Variants in AQR observed in about 807,000 individuals in gnomAD.
AQR encodes aquarius intron-binding spliceosomal factor.
Under a neutral mutation model 180.5 loss-of-function variants are expected in AQR, and 61 were observed. The ratio of observed to expected loss-of-function variants is 0.34; its 90% CI spans 0.28 to 0.42. AQR has a LOEUF of 0.42. Ranked by LOEUF, AQR falls within the 10% of genes least tolerant of loss-of-function variation. The pLI is 1.00. For missense variants in AQR, 1,281 were observed against 1,798.3 expected, an observed-to-expected ratio of 0.71 and a Z score of 5.20; for synonymous variants, 551 against 588.8, an observed-to-expected ratio of 0.94 and a Z score of 0.93.
At chr15:34,920,481 T>C (rs777703299) in intron 13 of AQR, 47 bp from the exon 14 acceptor site, 1 of 1,394,056 alleles carries the variant, frequency 7.2e-7, no homozygotes, top group Admixed American at 2.0e-5. Flanking sequence ...TTACTTCACT[T>C]CACTTTTGAA....
In AQR at chr15:34,904,023, T is replaced by C. The variant is rs141117936; in HGVS notation, c.2001+313A>G. 9.2e-5 allele frequency among the ~76,000 whole-genome samples: 14 copies of C among 152,148 alleles called. No homozygotes were observed. In the East Asian group the frequency reaches 2.7e-3, roughly 29 times the overall value. ...TAAGCAAGTTTTCTTCACTTCATAA[T>C]AGGGCATTAACTGAATACCTAATAT... On this transcript the variant is annotated intron_variant, in intron 19 of 34. Transcript: ENST00000156471.
chr15:34,938,983 A>G lies in AQR; in HGVS notation c.642-170T>C, dbSNP rs3816447. On this transcript the variant is annotated intron_variant, in intron 8 of 34. Coordinates refer to ENST00000156471, the MANE Select transcript of AQR (RefSeq NM_014691.3). ...CTTCTTTCTATGTAAATACAGTGCT[A>G]TATGAAGAAAAGGAGAGTCACATTA... is the stretch of plus-strand genomic sequence containing the variant. Among the ~76,000 whole-genome samples the G allele has an allele frequency of 0.57, 86,287 of 152,166 alleles. 28,758 individuals carry two copies. The highest frequency in any genetic ancestry group is 0.75 in the South Asian group (3,618 of 4,828).
At chr15:34,901,552 G>A (rs940910208) in intron 19 of AQR, among the ~76,000 whole-genome samples, 1 of 152,116 alleles carries the variant, frequency 6.6e-6, no homozygotes, top group African/African-American at 2.4e-5. Flanking sequence ...TTTCAACAAA[G>A]TGAGCTATCT....
chr15:34,948,051 T>A, intron 5 of AQR: 1 of 459,786 alleles, frequency 2.2e-6, no homozygotes, highest in Non-Finnish European at 3.7e-6. Context: ...CATTCATAAA[T>A]TTTCAATTCA....
chr15:34,900,193 A>G (rs148330159), intron 20 of AQR, among the ~76,000 whole-genome samples: 1 of 152,338 alleles, frequency 6.6e-6, no homozygotes, highest in African/African-American at 2.4e-5. Flanking sequence ...ATACCCAGCT[A>G]TATTATGAAC....
At chr15:34,921,463 G>C (rs1424033488) in intron 13 of AQR, among the ~76,000 whole-genome samples, 1 of 149,448 alleles carries the variant, frequency 6.7e-6, no homozygotes, top group Non-Finnish European at 1.5e-5. Context: ...ATGACAAACT[G>C]TTTATACCAG....
At chr15:34,905,835 G>A (rs1032367817) in intron 18 of AQR, among the ~76,000 whole-genome samples, 6 of 152,010 alleles carry the variant, frequency 3.9e-5, no homozygotes, top group Non-Finnish European at 8.8e-5. Flanking sequence ...CCCAGAGTTC[G>A]AGACCAGCCT....
In AQR at chr15:34,893,793, A is replaced by G; in HGVS notation, c.2461-20T>C. ...CACAACCTAAAAAGAAGATGAACAC[A>G]TAGCAAACTACTAAGTCATCACAGT... On this transcript the variant is annotated intron_variant, in intron 22 of 34. Transcript: ENST00000156471. The G allele has an allele frequency of 1.3e-6, 2 of 1,591,102 alleles. No individual in the cohort carries two copies. The highest frequency in any genetic ancestry group is 1.7e-6 in the Non-Finnish European group (2 of 1,159,066).
rs1893979143 is a variant in AQR, at chr15:34,938,718, T to C, written c.718+19A>G. ...CTATATGATAATTTCACAAATGCAC[T>C]GAGTAAAAAAGAAGATACCAGAAAG... is the stretch of plus-strand genomic sequence containing the variant. On this transcript the variant is annotated intron_variant, in intron 9 of 34. Transcript: ENST00000156471. 4 of 1,375,562 alleles carry C rather than the reference T, an allele frequency of 2.9e-6. No homozygotes were observed. In the South Asian group the frequency reaches 3.6e-5, roughly 12 times the overall value. 85.2% of individuals were successfully genotyped at this position (1,375,562 alleles called of 1,614,324 possible).
chr15:34,917,761 T>A (rs1196381958), intron 15 of AQR, among the ~76,000 whole-genome samples: 1 of 150,378 alleles, frequency 6.6e-6, no homozygotes, highest in Admixed American at 6.6e-5. Flanking sequence ...GGTGGGCAGA[T>A]CGCTTGAGCT....
chr15:34,967,333 T>G (rs189831818), intron 1 of AQR, among the ~76,000 whole-genome samples: 5 of 152,210 alleles, frequency 3.3e-5, no homozygotes, highest in Non-Finnish European at 7.3e-5. Context: ...CTGTCTTTCA[T>G]ACACCTCAAA....
rs763802425 is a variant in AQR, at chr15:34,874,762, T to C, written c.3340A>G (p.Asn1114Asp). 5 of 1,613,908 alleles carry C rather than the reference T, an allele frequency of 3.1e-6. No individual in the cohort carries two copies. Among genetic ancestry groups the C allele is most frequent in the Non-Finnish European group, 3.4e-6 (4 of 1,179,850 alleles). The change falls in exon 29 of 35, where the codon AAC becomes GAC. Residue 1114 changes from asparagine to aspartate, a missense_variant. Physicochemically the swap from Asn to Asp is conservative, Grantham distance 23. Coordinates refer to ENST00000156471, the MANE Select transcript of AQR (RefSeq NM_014691.3). Reference protein sequence around the residue: ...IKNMAFQKYSNMEQSLFTRFV... With the variant: ...IKNMAFQKYSDMEQSLFTRFV... Reference sequence around the variant, plus strand: ...CGAGTGAAGAGAGACTGCTCCATGTTTGAGTACTTTTGAAAGGCCATGTTC... The same window carrying C: ...CGAGTGAAGAGAGACTGCTCCATGTCTGAGTACTTTTGAAAGGCCATGTTC...
Position 34,852,323 on chromosome 15 carries a change from A to T in AQR, c.*4469T>A, listed in dbSNP as rs1892526259. 1 of 152,160 alleles carries T rather than the reference A, an allele frequency of 6.6e-6. No individual in the cohort carries two copies. Among genetic ancestry groups the T allele is most frequent in the Non-Finnish European group, 1.5e-5 (1 of 68,058 alleles). The allele number at this position is 152,160 out of a possible 1,614,324, so 9.4% of individuals were successfully genotyped here. ...GTAGCTAGGACTACAGGTGCCTGCC[A>T]CCATGGCTGGCTAATTTTTGTCTTT... On this transcript the variant is annotated 3_prime_UTR_variant, in exon 35 of 35. Transcript: ENST00000156471.
chr15:34,967,183 C>T (rs566257326), intron 1 of AQR, among the ~76,000 whole-genome samples: 10 of 149,418 alleles, frequency 6.7e-5, no homozygotes, highest in African/African-American at 1.2e-4. Context: ...CACAAGCCAC[C>T]GCACCCGGCC....
chr15:34,884,571 G>A lies in AQR; in HGVS notation c.2981C>T (p.Ala994Val). 1 of 1,602,992 alleles carries A rather than the reference G, an allele frequency of 6.2e-7. No homozygotes were observed. The highest frequency in any genetic ancestry group is 8.5e-7 in the Non-Finnish European group (1 of 1,177,086). ...CTTAATATGCCTGAAACATCCTTCAGCAATTTCCATGTCTTCTTCATAAGA... is the reference window on the plus strand; with the variant it reads ...CTTAATATGCCTGAAACATCCTTCAACAATTTCCATGTCTTCTTCATAAGA... Reference protein sequence around the residue: ...GRSYEEDMEIAEGCFRHIKKI... With the variant: ...GRSYEEDMEIVEGCFRHIKKI... Residue 994 changes from alanine to valine, a missense_variant, in exon 26 of 35, where the codon GCT (alanine) becomes GTT (valine). Physicochemically the swap from Ala to Val is moderately conservative, Grantham distance 64. This residue lies in a region of AQR where 125 missense variants were observed against 185.0 expected (regional missense o/e 0.68). Coordinates refer to ENST00000156471, the MANE Select transcript of AQR (RefSeq NM_014691.3).
chr15:34,920,239 C>A, intron 14 of AQR, 93 bp downstream of exon 14: 6 of 806,920 alleles, frequency 7.4e-6, no homozygotes, highest in South Asian at 3.8e-5. Context: ...AATCTTTGGC[C>A]CACAAAAAAA....
chr15:34,917,857 G>A (rs921777573), intron 15 of AQR, among the ~76,000 whole-genome samples: 2 of 147,492 alleles, frequency 1.4e-5, no homozygotes, highest in African/African-American at 2.5e-5. Context: ...GGTGGTGCAC[G>A]CCTGTGGTCC....
At position 34,884,514 on chromosome 15, in the gene AQR, A is replaced by T; in HGVS notation, c.3027+11T>A. 6.4e-7 allele frequency: 1 copy of T among 1,562,364 alleles called. No individual in the cohort carries two copies. The highest frequency in any genetic ancestry group is 8.6e-7 in the Non-Finnish European group (1 of 1,159,510). On this transcript the variant is annotated intron_variant, in intron 26 of 34. Transcript: ENST00000156471. The stretch of plus-strand genomic sequence containing the variant: ...ACTAAAGGGAAGTTCAAAGAACTTG[A>T]GAATCCTTACCTCAAGCTGCGTAAA...
At chr15:34,962,750 CA>C (rs2050287319) in intron 2 of AQR, among the ~76,000 whole-genome samples, 2 of 149,182 alleles carry the variant, frequency 1.3e-5, no homozygotes, top group South Asian at 4.2e-4. Context: ...AACTGGGTGA[CA>C]AGAGCGAGAC....
Sources: gnomAD v4.1 joint callset for allele counts (sites outside exome capture counted in the v4.1 genomes callset) on GRCh38, gnomAD v4.1.1 for gene constraint, gnomAD v4.1.1 regional missense constraint, MANE v1.5 for transcripts, NCBI Gene and HGNC (gene_info 2026-07-23, HGNC 2026-07-21) for gene names.